MARS2: variants seen among roughly 807,000 people sequenced by gnomAD.
The protein encoded by MARS2 is methionine--tRNA ligase, mitochondrial.
A neutral mutation model predicts 43.8 loss-of-function variants in MARS2; 33 were observed. That is an observed-to-expected ratio of 0.75 (90% CI 0.57 to 1.01). The LOEUF (loss-of-function observed/expected upper bound fraction) is 1.01. Ranked by LOEUF, MARS2 falls within the 50% of genes least tolerant of loss-of-function variation. The pLI, the probability that MARS2 is intolerant of heterozygous loss-of-function variation, is 0.00. For missense variants in MARS2, 720 were observed against 763.0 expected (o/e 0.94, Z 0.66); for synonymous variants, 351 against 325.5 (o/e 1.08, Z -0.84).
Position 197,707,201 on chromosome 2 carries a change from A to C in MARS2, c.*14A>C. On this transcript the variant is annotated 3_prime_UTR_variant, in exon 1 of 1. Coordinates refer to ENST00000282276, the MANE Select transcript of MARS2 (RefSeq NM_138395.4). The stretch of plus-strand genomic sequence containing the variant: ...CACCGGACCTAGAAACTCAGTTCTT[A>C]CCGGCTTGTGGTAAAAAAGCAAATG... 1 of 1,582,224 alleles carries C rather than the reference A, an allele frequency of 6.3e-7. No individual in the cohort carries two copies. Among genetic ancestry groups the C allele is most frequent in the African/African-American group, 1.4e-5 (1 of 73,282 alleles).
rs1268997775 is a variant in MARS2 at position 197,705,459 on chromosome 2, GTC to G, written c.59_60del (p.Leu20ProfsTer19). 6.2e-7 allele frequency: 1 copy of G among 1,612,724 alleles called. No individual in the cohort carries two copies. Among genetic ancestry groups the G allele is most frequent in the African/African-American group, 1.3e-5 (1 of 74,930 alleles). ...TAGGACGCACGGGGGCTAGTAGGCT[GTC>G]TCTCCTGGAGGACTTCGGCCCACGC... ...LLGRTGASRL[S>X]LLEDFGPRYY... On this transcript the variant is annotated frameshift_variant, in exon 1 of 1. Transcript: ENST00000282276. LOFTEE classifies it high-confidence loss of function.
rs763510177 is a variant in MARS2 at position 197,705,379 on chromosome 2, C to G, written c.-27C>G. On this transcript the variant is annotated 5_prime_UTR_variant, in exon 1 of 1. Coordinates refer to ENST00000282276, the MANE Select transcript of MARS2 (RefSeq NM_138395.4). ...CTCACACGTGCTGTCAGAACGCCGC[C>G]TCCTCCGCTTGCGGCCGGTCTGCAC... The G allele has an allele frequency of 4.4e-5, 69 of 1,555,882 alleles. 1 individual carries two copies. In the South Asian group the frequency reaches 7.5e-4, roughly 17 times the overall value.
rs768054211 is a variant in MARS2, at chr2:197,707,046, T to G, written c.1641T>G (p.Ser547Arg). ...TGGGGGTCTCTGCCTCAGAGAGGAG[T>G]CTTGGAGAGCTCTATTTCTTGCCTC... ...SRLGVSASER[S>R]LGELYFLPRF... is the part of the protein sequence containing the mutation. The change falls in exon 1 of 1, where the codon AGT becomes AGG. Residue 547 changes from serine (S) to arginine (R), a missense_variant. Physicochemically the swap from Ser to Arg is moderately radical, Grantham distance 110. Transcript: ENST00000282276. The G allele has an allele frequency of 1.2e-6, 2 of 1,613,564 alleles. No homozygotes were observed. The highest frequency in any genetic ancestry group is 1.1e-5 in the South Asian group (1 of 91,040).
Position 197,706,096 on chromosome 2 carries a change from C to T in MARS2, c.691C>T (p.Gln231Ter), listed in dbSNP as rs749409419. The T allele has an allele frequency of 6.2e-7, 1 of 1,614,190 alleles. No homozygotes were observed. Among genetic ancestry groups the T allele is most frequent in the South Asian group, 1.1e-5 (1 of 91,086 alleles). The change falls in exon 1 of 1, where the codon CAG becomes TAG. Residue 231 changes from glutamine to a stop codon, truncating the protein, a stop_gained. Coordinates refer to ENST00000282276, the MANE Select transcript of MARS2 (RefSeq NM_138395.4). LOFTEE classifies it high-confidence loss of function. Reference sequence around the variant, plus strand: ...CCAGCGGTGGCTGCGGGGCAACCCTCAGGCGATCACCCCCGAACCATTTCA... The same window carrying T: ...CCAGCGGTGGCTGCGGGGCAACCCTTAGGCGATCACCCCCGAACCATTTCA... ...PLQRWLRGNP[Q>*]AITPEPFHHV...
Position 197,705,606 on chromosome 2 carries a change from A to C in MARS2, c.201A>C (p.Leu67=). Residue 67 remains leucine (L), a synonymous_variant, in exon 1 of 1, where the codon CTA becomes CTC. Transcript: ENST00000282276. ...APHIGHLYSA[L]LADALCRHRR... is the part of the protein sequence containing the mutation. Reference sequence around the variant, plus strand: ...ACATCGGGCACCTGTACTCGGCACTACTGGCGGACGCCCTATGCCGCCACC... The same window carrying C: ...ACATCGGGCACCTGTACTCGGCACTCCTGGCGGACGCCCTATGCCGCCACC... 6.2e-7 allele frequency: 1 copy of C among 1,612,576 alleles called. No individual in the cohort carries two copies.
Position 197,707,034 on chromosome 2 carries a change from C to G in MARS2, c.1629C>G (p.Ala543=). The change falls in exon 1 of 1, where the codon GCC becomes GCG. Residue 543 remains alanine (A), a synonymous_variant. Coordinates refer to ENST00000282276, the MANE Select transcript of MARS2 (RefSeq NM_138395.4). The part of the protein sequence containing the change: ...DKLLSRLGVS[A]SERSLGELYF... The stretch of plus-strand genomic sequence containing the variant: ...TGCTGTCTAGGCTGGGGGTCTCTGC[C>G]TCAGAGAGGAGTCTTGGAGAGCTCT... 1 of 1,614,136 alleles carries G rather than the reference C, an allele frequency of 6.2e-7. No homozygotes were observed. The highest frequency in any genetic ancestry group is 2.2e-5 in the East Asian group (1 of 44,872).
rs2089488365 is a variant in MARS2 at position 197,707,756 on chromosome 2, T to TC, written c.*571dup. 1 of 168,318 alleles carries TC rather than the reference T, an allele frequency of 5.9e-6. No homozygotes were observed. Among genetic ancestry groups the TC allele is most frequent in the Non-Finnish European group, 1.5e-5 (1 of 68,926 alleles). The allele number at this position is 168,318 out of a possible 1,614,324, so 10.4% of individuals were successfully genotyped here. ...CTAAGTCTCCCTGCTTTGTTAATAG[T>TC]CCAACAGTTGGGTTGTGTAACATCA... On this transcript the variant is annotated 3_prime_UTR_variant, in exon 1 of 1. Transcript: ENST00000282276.
At position 197,705,706 on chromosome 2, in the gene MARS2, C is replaced by A; in HGVS notation, c.301C>A (p.Gln101Lys). 2 of 1,611,168 alleles carry A rather than the reference C, an allele frequency of 1.2e-6. No individual in the cohort carries two copies. Among genetic ancestry groups the A allele is most frequent in the Non-Finnish European group, 1.7e-6 (2 of 1,180,024 alleles). ...GTDEHGLKIQ[Q>K]AAATAGLAPT... ...CGACGAGCACGGGCTGAAGATTCAG[C>A]AGGCAGCAGCTACCGCGGGCCTGGC... Residue 101 changes from glutamine to lysine, a missense_variant, in exon 1 of 1, where the codon CAG becomes AAG. Physicochemically the swap from Gln to Lys is moderately conservative, Grantham distance 53. Transcript: ENST00000282276.
Position 197,705,928 on chromosome 2 carries a change from T to A in MARS2, c.523T>A (p.Cys175Ser), listed in dbSNP as rs777557546. 3.1e-6 allele frequency: 5 copies of A among 1,614,070 alleles called. No homozygotes were observed. In the Admixed American group the frequency reaches 6.7e-5, roughly 22 times the overall value. Reference sequence around the variant, plus strand: ...AGGTTGGTATTGCGCTTCCGACGAGTGCTTCCTGCCTGAGGCCAAGGTCAC... The same window carrying A: ...AGGTTGGTATTGCGCTTCCGACGAGAGCTTCCTGCCTGAGGCCAAGGTCAC... ...YEGWYCASDE[C>S]FLPEAKVTQQ... Residue 175 changes from cysteine (C) to serine (S), a missense_variant, in exon 1 of 1, where the codon TGC becomes AGC. Cys to Ser is a moderately radical substitution (Grantham distance 112, BLOSUM62 -1). Coordinates refer to ENST00000282276, the MANE Select transcript of MARS2 (RefSeq NM_138395.4).
Position 197,706,438 on chromosome 2 carries a change from GGCCAAAAGATGTCCAA to G in MARS2, c.1035_1050del (p.Gln346AlafsTer45). On this transcript the variant is annotated frameshift_variant, in exon 1 of 1. Transcript: ENST00000282276. LOFTEE classifies it high-confidence loss of function. ...TGTCCATTCCCACTGGACAGTCTGTGGCCAAAAGATGTCCAAGAGCTTGGGCAACGTGGTGGATCCT... is the reference window on the plus strand; with the variant it reads ...TGTCCATTCCCACTGGACAGTCTGTGGAGCTTGGGCAACGTGGTGGATCCT... 1 of 1,613,902 alleles carries G rather than the reference GGCCAAAAGATGTCCAA, an allele frequency of 6.2e-7. No individual in the cohort carries two copies. The highest frequency in any genetic ancestry group is 8.5e-7 in the Non-Finnish European group (1 of 1,180,038).
chr2:197,707,557 C>G lies in MARS2; in HGVS notation c.*370C>G, dbSNP rs2089486627. On this transcript the variant is annotated 3_prime_UTR_variant, in exon 1 of 1. Coordinates refer to ENST00000282276, the MANE Select transcript of MARS2 (RefSeq NM_138395.4). The stretch of plus-strand genomic sequence containing the variant: ...TGCTTCTCAGGCTAATTAGTGACTC[C>G]TTTCTTTGAGGGTCAGGGTTGGAGG... The G allele has an allele frequency of 4.7e-6, 1 of 212,682 alleles. No homozygotes were observed. The highest frequency in any genetic ancestry group is 1.0e-5 in the Non-Finnish European group (1 of 95,914). The allele number at this position is 212,682 out of a possible 1,614,324, so 13.2% of individuals were successfully genotyped here.
Position 197,705,831 on chromosome 2 carries a change from G to A in MARS2, c.426G>A (p.Arg142=), listed in dbSNP as rs754416019. ...CTDFIRTTEA[R]HRVAVQHFWG... is the part of the protein sequence containing the mutation. The stretch of plus-strand genomic sequence containing the variant: ...ATTTCATCCGCACCACGGAGGCCCG[G>A]CACCGGGTGGCTGTGCAGCACTTCT... The change falls in exon 1 of 1, where the codon CGG becomes CGA. Residue 142 remains arginine, a synonymous_variant. Transcript: ENST00000282276. 6.2e-7 allele frequency: 1 copy of A among 1,613,830 alleles called. No homozygotes were observed. The highest frequency in any genetic ancestry group is 8.5e-7 in the Non-Finnish European group (1 of 1,180,046).
Position 197,707,231 on chromosome 2 carries a change from A to G in MARS2, c.*44A>G. On this transcript the variant is annotated 3_prime_UTR_variant, in exon 1 of 1. Transcript: ENST00000282276. ...CTTGTGGTAAAAAAGCAAATGTGTT[A>G]TCTTTTTATTTTTTATTTTCAGGAA... 6.6e-7 allele frequency: 1 copy of G among 1,509,880 alleles called. No homozygotes were observed. 93.5% of individuals were successfully genotyped at this position (1,509,880 alleles called of 1,614,324 possible).
At position 197,706,346 on chromosome 2, in the gene MARS2, A is replaced by T; in HGVS notation, c.941A>T (p.Lys314Ile). 6.2e-7 allele frequency: 1 copy of T among 1,614,232 alleles called. No homozygotes were observed. Among genetic ancestry groups the T allele is most frequent in the African/African-American group, 1.3e-5 (1 of 75,068 alleles). The part of the protein sequence containing the change: ...TSHIIGKDIL[K>I]FHAIYWPAFL... ...CATATCATAGGTAAGGACATTCTCA[A>T]ATTCCATGCCATCTATTGGCCTGCC... Residue 314 changes from lysine (K) to isoleucine (I), a missense_variant, in exon 1 of 1, where the codon AAA becomes ATA. Lys to Ile is a moderately radical substitution (Grantham distance 102). Transcript: ENST00000282276.
In MARS2 at chr2:197,706,280, A is replaced by G. The variant is rs750120061; in HGVS notation, c.875A>G (p.Tyr292Cys). 1.9e-6 allele frequency: 3 copies of G among 1,614,186 alleles called. No homozygotes were observed. Among genetic ancestry groups the G allele is most frequent in the Non-Finnish European group, 2.5e-6 (3 of 1,180,034 alleles). ...GTCAACTACCTCACTGTAATTGGCT[A>G]CCCAAATGCTGAGTTCAAATCTTGG... is the stretch of plus-strand genomic sequence containing the variant. The part of the protein sequence containing the change: ...ALVNYLTVIG[Y>C]PNAEFKSWWP... The change falls in exon 1 of 1, where the codon TAC becomes TGC. Residue 292 changes from tyrosine to cysteine, a missense_variant. Physicochemically the swap from Tyr to Cys is radical, Grantham distance 194. Coordinates refer to ENST00000282276, the MANE Select transcript of MARS2 (RefSeq NM_138395.4).
In MARS2 at chr2:197,706,454, A is replaced by G. The variant is rs1339624505; in HGVS notation, c.1049A>G (p.Lys350Arg). Residue 350 changes from lysine to arginine, a missense_variant, in exon 1 of 1, where the codon AAG becomes AGG. Coordinates refer to ENST00000282276, the MANE Select transcript of MARS2 (RefSeq NM_138395.4). ...HWTVCGQKMS[K>R]SLGNVVDPRT... is the part of the protein sequence containing the mutation. ...ACAGTCTGTGGCCAAAAGATGTCCA[A>G]GAGCTTGGGCAACGTGGTGGATCCT... is the stretch of plus-strand genomic sequence containing the variant. The G allele has an allele frequency of 1.2e-6, 2 of 1,613,880 alleles. No homozygotes were observed. The highest frequency in any genetic ancestry group is 3.3e-5 in the Admixed American group (2 of 60,032).
In MARS2 at chr2:197,706,183, A is replaced by G. The variant is rs1417115336; in HGVS notation, c.778A>G (p.Ser260Gly). The G allele has an allele frequency of 6.2e-7, 1 of 1,614,120 alleles. No individual in the cohort carries two copies. The highest frequency in any genetic ancestry group is 1.3e-5 in the African/African-American group (1 of 74,944). ...CGACCTGTCCGTGTCTCGCAGAAGT[A>G]GCCACTTGCACTGGGGCATTCCGGT... ...LPDLSVSRRS[S>G]HLHWGIPVPG... Residue 260 changes from serine to glycine, a missense_variant, in exon 1 of 1, where the codon AGC (serine) becomes GGC (glycine). Coordinates refer to ENST00000282276, the MANE Select transcript of MARS2 (RefSeq NM_138395.4).
rs1163671165 is a variant in MARS2, at chr2:197,706,731, T to C, written c.1326T>C (p.Ala442=). 1.9e-6 allele frequency: 3 copies of C among 1,614,052 alleles called. No individual in the cohort carries two copies. Among genetic ancestry groups the C allele is most frequent in the Admixed American group, 1.7e-5 (1 of 60,024 alleles). Residue 442 remains alanine, a synonymous_variant, in exon 1 of 1, where the codon GCT becomes GCC. Coordinates refer to ENST00000282276, the MANE Select transcript of MARS2 (RefSeq NM_138395.4). ...EPGLVGPSVR[A]QAEDYALVSA... ...GGTTGGTGGGGCCGTCAGTTCGTGC[T>C]CAGGCAGAGGATTATGCTCTGGTGA...
chr2:197,707,276 T>A lies in MARS2; in HGVS notation c.*89T>A. 7.3e-6 allele frequency: 9 copies of A among 1,232,318 alleles called. No individual in the cohort carries two copies. In the South Asian group the frequency reaches 9.1e-5, roughly 12 times the overall value. 76.3% of individuals were successfully genotyped at this position (1,232,318 alleles called of 1,614,324 possible). ...CAGGAAAGTTATACTAGTATTTTCT[T>A]AAGTGTGGAATCAAATGAGCACATA... is the stretch of plus-strand genomic sequence containing the variant. On this transcript the variant is annotated 3_prime_UTR_variant, in exon 1 of 1. Transcript: ENST00000282276.
Sources: allele counts gnomAD v4.1 joint callset, GRCh38; gene constraint gnomAD v4.1.1; transcripts MANE v1.5; gene names NCBI Gene and HGNC (gene_info 2026-07-23, HGNC 2026-07-21).